Variants in ZNF814 observed in about 807,000 individuals in gnomAD.
ZNF814 encodes the protein zinc finger protein 814.
Under a neutral mutation model 7.5 loss-of-function variants are expected in ZNF814, and 5 were observed. That is an observed-to-expected ratio of 0.67 (90% CI 0.35 to 1.40). The LOEUF is 1.40. Among genes scored for constraint, ZNF814 ranks in the 40% most tolerant of loss-of-function variants. ZNF814 has a pLI of 0.04. For missense variants in ZNF814, 962 were observed against 1,018.0 expected (o/e 0.94, Z 0.75); for synonymous variants, 315 against 340.7 (o/e 0.92, Z 0.83).
rs1333362751 is a variant in ZNF814, at chr19:57,873,320, AC to A, written c.2069del (p.Cys690LeufsTer223). On this transcript the variant is annotated frameshift_variant, in exon 3 of 3. Transcript: ENST00000435989. LOFTEE classifies it low-confidence loss of function (END_TRUNC). ...TCTTAAATAATTTTCCACATTCCCT[AC>A]ATACATAAGGTCTTTCTCCAGTATG... ...HGHTGERPYV[C>X]RECGKLFKKK... 2 of 1,589,484 alleles carry A rather than the reference AC, an allele frequency of 1.3e-6. No individual in the cohort carries two copies. The highest frequency in any genetic ancestry group is 2.7e-5 in the African/African-American group (2 of 74,042).
At chr19:57,893,463 T>C (rs959837680), upstream of ZNF814, among the ~76,000 whole-genome samples, 9 of 150,848 alleles carry the variant, frequency 6.0e-5, 1 homozygote, top group East Asian at 1.0e-3. Flanking sequence ...CATGAGCCAC[T>C]GCACCCAGCA....
upstream of ZNF814, among the ~76,000 whole-genome samples, chr19:57,892,188 C>T (rs2071738243): frequency 6.6e-6 from 1 of 152,202 alleles, no homozygotes; most frequent in Admixed American, 6.5e-5. Flanking sequence ...GCCATGGTCA[C>T]TCATATTTGG....
the ZNF814 span, among the ~76,000 whole-genome samples, chr19:57,898,894 C>T: frequency 6.8e-6 from 1 of 147,350 alleles, no homozygotes; most frequent in Non-Finnish European, 1.5e-5. Context: ...GAGCTGAGAT[C>T]GTGCCACTGC....
rs2071567215 is a variant in ZNF814, at chr19:57,872,852, G to C, written c.2538C>G (p.His846Gln). ...TGGCTTTTCTCCAGTGTGAACTCTGGTGTACAAGGAGGTGAGACTTCTTGT... is the reference window on the plus strand; with the variant it reads ...TGGCTTTTCTCCAGTGTGAACTCTGCTGTACAAGGAGGTGAGACTTCTTGT... ...LFNKKSHLLV[H>Q]QSSHWRKAI is the part of the protein sequence containing the mutation. Residue 846 changes from histidine (H) to glutamine (Q), a missense_variant, in exon 3 of 3, where the codon CAC becomes CAG. Coordinates refer to ENST00000435989, the MANE Select transcript of ZNF814 (RefSeq NM_001144989.2). 2.5e-6 allele frequency: 4 copies of C among 1,609,826 alleles called. No homozygotes were observed. Among genetic ancestry groups the C allele is most frequent in the Non-Finnish European group, 3.4e-6 (4 of 1,178,574 alleles).
At chr19:57,895,700 G>T in the ZNF814 span, among the ~76,000 whole-genome samples, 29 of 152,126 alleles carry the variant, frequency 1.9e-4, no homozygotes, top group Non-Finnish European at 3.7e-4. Context: ...CTTACCCAAA[G>T]TCGGCCAATT....
rs559036872 is a variant in ZNF814, at chr19:57,869,777, T to G, written c.*3045A>C. 19 of 152,026 alleles carry G rather than the reference T, an allele frequency of 1.2e-4. No individual in the cohort carries two copies. Among genetic ancestry groups the G allele is most frequent in the African/African-American group, 4.6e-4 (19 of 41,416 alleles). The allele number at this position is 152,026 out of a possible 1,614,324, so 9.4% of individuals were successfully genotyped here. ...CTGGCCAACATGGCAAAACTCCGTC[T>G]CTACTAAAAATACAAAACTTGGCCG... is the stretch of plus-strand genomic sequence containing the variant. On this transcript the variant is annotated 3_prime_UTR_variant, in exon 3 of 3. Transcript: ENST00000435989.
At position 57,888,791 on chromosome 19, in the gene ZNF814, C is replaced by T. The variant is rs142144396; in HGVS notation, c.12G>A (p.Ala4=). The change falls in exon 1 of 3, where the codon GCG becomes GCA. Residue 4 remains alanine (A), a synonymous_variant. Coordinates refer to ENST00000435989, the MANE Select transcript of ZNF814 (RefSeq NM_001144989.2). ...CCTGAGCGGAGAGCCTCAGCGTAGC[C>T]GCGGCAGCCATCGAACCACGTGGTT... The part of the protein sequence containing the change: MAA[A]ATLRLSAQGT... 2.4e-4 allele frequency: 376 copies of T among 1,552,072 alleles called. 3 individuals are homozygous for T. In the African/African-American group the frequency reaches 4.6e-3, roughly 19 times the overall value.
the ZNF814 span, among the ~76,000 whole-genome samples, chr19:57,896,000 G>T: frequency 6.6e-6 from 1 of 152,144 alleles, no homozygotes; most frequent in Non-Finnish European, 1.5e-5. Flanking sequence ...ATAGTGTCAG[G>T]AATAACGCTC....
chr19:57,885,354 G>A lies in ZNF814; in HGVS notation c.36+3413C>T, dbSNP rs527991474. Among the ~76,000 whole-genome samples, 6 of 149,914 alleles carry A rather than the reference G, an allele frequency of 4.0e-5. No homozygotes were observed. The East Asian group carries it at 5.9e-4, about 15-fold the overall frequency. On this transcript the variant is annotated intron_variant, in intron 1 of 2. Coordinates refer to ENST00000435989, the MANE Select transcript of ZNF814 (RefSeq NM_001144989.2). Reference sequence around the variant, plus strand: ...AAAAAAGAAAAGAAAATGTGAGGGCGCGGTGGTGGCTCACACCTGTAATCT... The same window carrying A: ...AAAAAAGAAAAGAAAATGTGAGGGCACGGTGGTGGCTCACACCTGTAATCT...
intron 2 of ZNF814, among the ~76,000 whole-genome samples, chr19:57,875,547 T>C (rs1462350832): frequency 6.6e-6 from 1 of 152,202 alleles, no homozygotes; most frequent in Non-Finnish European, 1.5e-5. Context: ...AGAGAGGGAT[T>C]TGTCCAGGCC....
At chr19:57,891,027 T>C (rs1454625553), upstream of ZNF814, among the ~76,000 whole-genome samples, 2 of 152,070 alleles carry the variant, frequency 1.3e-5, no homozygotes, top group Admixed American at 1.3e-4. Context: ...CATAAAGACG[T>C]TGCTGATAAA....
chr19:57,889,997 C>T (rs566851970), upstream of ZNF814, among the ~76,000 whole-genome samples: 2 of 152,212 alleles, frequency 1.3e-5, no homozygotes, highest in Non-Finnish European at 2.9e-5. Context: ...ACTGATTACC[C>T]TAGTGTATGG....
At chr19:57,886,963 G>C (rs542786393) in intron 1 of ZNF814, among the ~76,000 whole-genome samples, 2 of 151,786 alleles carry the variant, frequency 1.3e-5, no homozygotes, top group African/African-American at 4.8e-5. Flanking sequence ...TGAGGCGGGC[G>C]GATCAGTTGA....
chr19:57,894,691 G>A, the ZNF814 span, among the ~76,000 whole-genome samples: 7 of 151,698 alleles, frequency 4.6e-5, no homozygotes, highest in South Asian at 2.1e-4. Context: ...AAAATTAGCC[G>A]GGCGTGGTGG....
At chr19:57,888,514 C>A (rs1418641232) in intron 1 of ZNF814, among the ~76,000 whole-genome samples, 1 of 152,158 alleles carries the variant, frequency 6.6e-6, no homozygotes, top group Non-Finnish European at 1.5e-5. Flanking sequence ...TAATTTGCTC[C>A]CAACAGGCAC....
upstream of ZNF814, among the ~76,000 whole-genome samples, chr19:57,889,694 G>A (rs1600141794): frequency 6.6e-6 from 1 of 151,840 alleles, no homozygotes; most frequent in Non-Finnish European, 1.5e-5. Flanking sequence ...GTGAAACCCC[G>A]CCTCTACTAA....
chr19:57,886,417 ACT>A (rs1213709700), intron 1 of ZNF814, among the ~76,000 whole-genome samples: 1 of 151,614 alleles, frequency 6.6e-6, no homozygotes. Context: ...ACTTCTCTCC[ACT>A]CTGTTCTTCC....
At chr19:57,887,481 T>C (rs1019887122) in intron 1 of ZNF814, among the ~76,000 whole-genome samples, 2 of 152,236 alleles carry the variant, frequency 1.3e-5, no homozygotes, top group African/African-American at 4.8e-5. Context: ...TTTTTCCTCT[T>C]GATGCTAAGC....
rs753683217 is a variant in ZNF814, at chr19:57,888,981, G to C, written c.-179C>G. ...CCGACTTCTGGGTTCAGTCACCACA[G>C]TGCGGACCTAGCGCTCAGGAGCCTC... On this transcript the variant is annotated 5_prime_UTR_variant, in exon 1 of 3. Coordinates refer to ENST00000435989, the MANE Select transcript of ZNF814 (RefSeq NM_001144989.2). 1 of 641,616 alleles carries C rather than the reference G, an allele frequency of 1.6e-6. No homozygotes were observed. Among genetic ancestry groups the C allele is most frequent in the African/African-American group, 1.8e-5 (1 of 54,532 alleles). The allele number at this position is 641,616 out of a possible 1,614,324, so 39.7% of individuals were successfully genotyped here.
Sources: gnomAD v4.1 joint callset for allele counts (sites outside exome capture counted in the v4.1 genomes callset) on GRCh38, gnomAD v4.1.1 for gene constraint, MANE v1.5 for transcripts, NCBI Gene and HGNC (gene_info 2026-07-23, HGNC 2026-07-21) for gene names.